Variants in RGS7 observed in about 807,000 individuals in gnomAD.
The protein encoded by RGS7 is regulator of G protein signaling 7, also known as regulator of G-protein signaling 7.
In RGS7, 27 loss-of-function variants were observed where a neutral mutation model predicts 81.1. The ratio of observed to expected loss-of-function variants is 0.33; its 90% CI spans 0.25 to 0.46. The LOEUF is 0.46. Ranked by LOEUF, RGS7 falls within the 20% of genes least tolerant of loss-of-function variation. RGS7 has a pLI of 1.00. For synonymous variants in RGS7, 208 were observed against 207.7 expected, an observed-to-expected ratio of 1.00 and a Z score of -0.01; for missense variants, 396 against 607.4, an observed-to-expected ratio of 0.65 and a Z score of 3.66.
At chr1:241,245,905 C>T (rs954170086) in intron 2 of RGS7, among the ~76,000 whole-genome samples, 1 of 151,830 alleles carries the variant, frequency 6.6e-6, no homozygotes, top group African/African-American at 2.4e-5. Context: ...GAGATCAAGA[C>T]CATCCTGGCT....
intron 6 of RGS7, among the ~76,000 whole-genome samples, chr1:240,928,197 G>C (rs943919372): frequency 6.6e-6 from 1 of 152,182 alleles, no homozygotes; most frequent in East Asian, 1.9e-4. Context: ...GGGTCTGGAA[G>C]GTTGTAGTGC....
intron 14 of RGS7, 41 bp downstream of exon 14, chr1:240,811,877 A>G (rs965580530): frequency 5.9e-6 from 9 of 1,533,642 alleles, no homozygotes; most frequent in Non-Finnish European, 8.1e-6. Context: ...CATCACAGAC[A>G]GTATTTCTCT....
In RGS7 at chr1:240,829,976, G is replaced by T. The variant is rs191618940; in HGVS notation, c.610-2804C>A. 2.0e-5 allele frequency among the ~76,000 whole-genome samples: 3 copies of T among 152,256 alleles called. No individual in the cohort carries two copies. The East Asian group carries it at 5.8e-4, about 29-fold the overall frequency. ...AAAGGTAAGATACTGAGCTCAGCAG[G>T]TGTTTCATTTTTCTCCTCTGTGGAA... On this transcript the variant is annotated intron_variant, in intron 9 of 18. Coordinates refer to ENST00000440928, the MANE Select transcript of RGS7 (RefSeq NM_001364886.1).
intron 3 of RGS7, among the ~76,000 whole-genome samples, chr1:241,058,157 T>C (rs559382716): frequency 6.6e-6 from 1 of 152,252 alleles, no homozygotes; most frequent in East Asian, 1.9e-4. Context: ...TTTGGGCAAA[T>C]GGGCTCAAAC....
chr1:240,999,767 A>AT (rs35973386), intron 3 of RGS7, among the ~76,000 whole-genome samples: 65,294 of 144,322 alleles, frequency 0.45, 14,388 homozygotes, highest in East Asian at 0.59. Flanking sequence ...CGCTCGGCTA[A>AT]TTTTTTTTTT....
intron 2 of RGS7, among the ~76,000 whole-genome samples, chr1:241,180,052 A>G (rs1233978099): frequency 6.6e-6 from 1 of 152,148 alleles, no homozygotes; most frequent in Non-Finnish European, 1.5e-5. Flanking sequence ...TATGAGATGG[A>G]TATGAATCTT....
intron 2 of RGS7, among the ~76,000 whole-genome samples, chr1:241,331,308 A>G (rs2081966035): frequency 6.6e-6 from 1 of 152,210 alleles, no homozygotes; most frequent in Admixed American, 6.5e-5. Flanking sequence ...TATTAAATTT[A>G]AAGTATTATA....
intron 9 of RGS7, among the ~76,000 whole-genome samples, chr1:240,844,405 T>G (rs9661400): frequency 0.67 from 101,910 of 151,308 alleles, 34,719 homozygotes; most frequent in Middle Eastern, 0.77. Context: ...CTTCCTGCTA[T>G]CATCACCCCA....
chr1:241,203,762 A>C (rs1019020298), intron 2 of RGS7, among the ~76,000 whole-genome samples: 1 of 152,214 alleles, frequency 6.6e-6, no homozygotes, highest in Non-Finnish European at 1.5e-5. Flanking sequence ...TTTAAAAATT[A>C]AAATATAATA....
At chr1:241,096,117 G>T (rs749173739) in intron 3 of RGS7, among the ~76,000 whole-genome samples, 1 of 152,148 alleles carries the variant, frequency 6.6e-6, no homozygotes, top group Non-Finnish European at 1.5e-5. Flanking sequence ...AATGGTTTCT[G>T]GTTCTACTAA....
At chr1:240,879,405 T>C (rs968953657) in intron 6 of RGS7, among the ~76,000 whole-genome samples, 4 of 152,354 alleles carry the variant, frequency 2.6e-5, no homozygotes, top group Middle Eastern at 3.4e-3. Flanking sequence ...CTCTTTCCTC[T>C]GGAAAGATAT....
At chr1:241,216,128 C>T (rs995701296) in intron 2 of RGS7, among the ~76,000 whole-genome samples, 5 of 151,912 alleles carry the variant, frequency 3.3e-5, no homozygotes, top group African/African-American at 1.2e-4. Flanking sequence ...AAAACGTAGC[C>T]GGGCGTGGTG....
chr1:241,259,214 TG>T (rs1205441522), intron 2 of RGS7, among the ~76,000 whole-genome samples: 2 of 152,182 alleles, frequency 1.3e-5, no homozygotes, highest in African/African-American at 4.8e-5. Flanking sequence ...CAGCAAATAA[TG>T]TGGCACTATA....
At chr1:240,847,242 C>T (rs1248503598) in intron 9 of RGS7, among the ~76,000 whole-genome samples, 1 of 152,222 alleles carries the variant, frequency 6.6e-6, no homozygotes, top group Non-Finnish European at 1.5e-5. Context: ...CTACCAATTA[C>T]TGAACAAGGG....
intron 3 of RGS7, among the ~76,000 whole-genome samples, chr1:241,043,918 C>G (rs1012849102): frequency 2.0e-5 from 3 of 151,738 alleles, no homozygotes; most frequent in African/African-American, 7.2e-5. Context: ...TAGAACCAAT[C>G]CTGTGCAGAT....
chr1:240,931,208 C>A (rs1675383096), intron 5 of RGS7, among the ~76,000 whole-genome samples: 3 of 152,176 alleles, frequency 2.0e-5, no homozygotes, highest in Admixed American at 1.3e-4. Flanking sequence ...GCTCAACCAA[C>A]CGATAGACTC....
intron 3 of RGS7, among the ~76,000 whole-genome samples, chr1:241,051,559 C>A (rs1411276914): frequency 2.0e-5 from 3 of 151,928 alleles, no homozygotes; most frequent in Non-Finnish European, 4.4e-5. Flanking sequence ...TCTCCCCGCA[C>A]CCCCCAACCC....
At chr1:240,881,835 T>C (rs965121456) in intron 6 of RGS7, among the ~76,000 whole-genome samples, 2 of 152,254 alleles carry the variant, frequency 1.3e-5, no homozygotes, top group Admixed American at 1.3e-4. Flanking sequence ...TTAACTACTA[T>C]ATGGGATCAT....
At chr1:241,166,274 G>A (rs2070232416) in intron 2 of RGS7, among the ~76,000 whole-genome samples, 1 of 152,216 alleles carries the variant, frequency 6.6e-6, no homozygotes, top group East Asian at 1.9e-4. Flanking sequence ...GCGGCACACA[G>A]CAGTGACCTT....
Sources: allele counts gnomAD v4.1 joint callset (sites outside exome capture counted in the v4.1 genomes callset), GRCh38; gene constraint gnomAD v4.1.1; transcripts MANE v1.5; gene names NCBI Gene and HGNC (gene_info 2026-07-23, HGNC 2026-07-21).